LEF1: variants seen among roughly 807,000 people sequenced by gnomAD.
The protein encoded by LEF1 is lymphoid enhancer binding factor 1.
LEF1 carries 14 observed loss-of-function variants against 51.2 expected under a neutral mutation model. That is an observed-to-expected ratio of 0.27 (90% CI 0.18 to 0.43). LEF1 has a LOEUF of 0.43. Ranked by LOEUF, LEF1 falls within the 20% of genes least tolerant of loss-of-function variation. The probability of loss-of-function intolerance (pLI) is 1.00; values close to 1 mark genes in which losing one functional copy is unlikely to be tolerated. For synonymous variants in LEF1, 185 were observed against 183.2 expected, an observed-to-expected ratio of 1.01 and a Z score of -0.08; for missense variants, 386 against 512.0, an observed-to-expected ratio of 0.75 and a Z score of 2.37.
At chr4:108,149,921 T>C (rs935671233) in intron 3 of LEF1, among the ~76,000 whole-genome samples, 1 of 151,524 alleles carries the variant, frequency 6.6e-6, no homozygotes, top group African/African-American at 2.4e-5. Flanking sequence ...TGTTCTTTCA[T>C]GGGTTTTCCC....
At chr4:108,103,318 T>C (rs890206414) in intron 3 of LEF1, among the ~76,000 whole-genome samples, 23 of 152,238 alleles carry the variant, frequency 1.5e-4, no homozygotes, top group Non-Finnish European at 2.4e-4. Context: ...ACAAGCCTTG[T>C]GATTCCCAGG....
At chr4:108,166,521 T>G in intron 1 of LEF1, 1 of 1,322,126 alleles carries the variant, frequency 7.6e-7, no homozygotes, top group Non-Finnish European at 9.7e-7. Context: ...GGGTGACCAG[T>G]GGAGTGTCGG....
intron 3 of LEF1, among the ~76,000 whole-genome samples, chr4:108,141,643 G>GA (rs1173284721): frequency 6.6e-6 from 1 of 152,174 alleles, no homozygotes; most frequent in African/African-American, 2.4e-5. Flanking sequence ...AGCAGCCTTT[G>GA]AAGAGATCAA....
chr4:108,134,464 A>G (rs1459468365), intron 3 of LEF1, among the ~76,000 whole-genome samples: 1 of 152,206 alleles, frequency 6.6e-6, no homozygotes, highest in Admixed American at 6.5e-5. Context: ...TAAAGTTCAA[A>G]TGTAGAATAA....
chr4:108,127,059 A>G (rs1178001814), intron 3 of LEF1, among the ~76,000 whole-genome samples: 2 of 152,138 alleles, frequency 1.3e-5, no homozygotes, highest in African/African-American at 2.4e-5. Context: ...TATATGGCCA[A>G]TGAGGGGCTA....
intron 3 of LEF1, among the ~76,000 whole-genome samples, chr4:108,157,315 C>T (rs1453854430): frequency 6.6e-6 from 1 of 152,048 alleles, no homozygotes; most frequent in African/African-American, 2.4e-5. Flanking sequence ...ATTCTCCTGC[C>T]TCAGCCTCCT....
chr4:108,059,704 T>C (rs1325147066), intron 11 of LEF1, among the ~76,000 whole-genome samples: 1 of 152,054 alleles, frequency 6.6e-6, no homozygotes, highest in Non-Finnish European at 1.5e-5. Context: ...CAGACTGGTT[T>C]GTTTTTTGCG....
intron 6 of LEF1, 145 bp from the exon 7 acceptor site, chr4:108,079,759 T>G: frequency 1.4e-6 from 1 of 692,564 alleles, no homozygotes; most frequent in Non-Finnish European, 2.3e-6. Flanking sequence ...TAAATTAGAG[T>G]GGGCCGATAA....
At chr4:108,048,924 C>T (rs1578276405) in intron 11 of LEF1, 173 bp from the exon 12 acceptor site, 2 of 455,610 alleles carry the variant, frequency 4.4e-6, no homozygotes, top group Non-Finnish European at 7.7e-6. Context: ...CCTGAGAGTA[C>T]ACTACAGAGT....
At chr4:108,051,192 T>G (rs1736966431) in intron 11 of LEF1, among the ~76,000 whole-genome samples, 1 of 152,124 alleles carries the variant, frequency 6.6e-6, no homozygotes, top group Middle Eastern at 3.2e-3. Context: ...TCCTGGAAAG[T>G]TGGCTTCAGA....
chr4:108,060,393 G>C (rs1215361273), intron 11 of LEF1, among the ~76,000 whole-genome samples: 1 of 152,184 alleles, frequency 6.6e-6, no homozygotes, highest in Non-Finnish European at 1.5e-5. Flanking sequence ...GGGAGAGACA[G>C]ACAGGGATCT....
chr4:108,075,931 A>G (rs1444386822), intron 8 of LEF1, among the ~76,000 whole-genome samples: 1 of 152,222 alleles, frequency 6.6e-6, no homozygotes, highest in African/African-American at 2.4e-5. Context: ...TCTTCCATGT[A>G]AAGCCTCATG....
chr4:108,055,893 T>C (rs1737274678), intron 11 of LEF1, among the ~76,000 whole-genome samples: 1 of 152,232 alleles, frequency 6.6e-6, no homozygotes, highest in Non-Finnish European at 1.5e-5. Context: ...ACTGTACCCA[T>C]GAACCCAACC....
chr4:108,081,451 G>C (rs1363369407), intron 6 of LEF1, 135 bp downstream of exon 6: 2 of 672,444 alleles, frequency 3.0e-6, no homozygotes, highest in Non-Finnish European at 2.6e-6. Flanking sequence ...GTGGGAGCCA[G>C]GCACACTGCA....
chr4:108,142,801 A>G (rs1406476214), intron 3 of LEF1, among the ~76,000 whole-genome samples: 1 of 152,220 alleles, frequency 6.6e-6, no homozygotes, highest in Non-Finnish European at 1.5e-5. Flanking sequence ...CTCTGAATTT[A>G]CATTCACATT....
chr4:108,113,294 T>C (rs1443694537), intron 3 of LEF1, among the ~76,000 whole-genome samples: 1 of 152,178 alleles, frequency 6.6e-6, no homozygotes, highest in African/African-American at 2.4e-5. Flanking sequence ...AGAGCACTAG[T>C]TGCTGCCAGG....
intron 11 of LEF1, among the ~76,000 whole-genome samples, chr4:108,059,358 C>G (rs1052690956): frequency 1.3e-5 from 2 of 152,222 alleles, no homozygotes; most frequent in Non-Finnish European, 2.9e-5. Flanking sequence ...TACTTCATCA[C>G]CTAGGTTGGA....
chr4:108,112,387 G>A (rs1741586153), intron 3 of LEF1, among the ~76,000 whole-genome samples: 1 of 152,186 alleles, frequency 6.6e-6, no homozygotes, highest in Admixed American at 6.5e-5. Context: ...CAGGCAATGA[G>A]AAAAATGTCC....
chr4:108,144,159 A>G (rs1315892117), intron 3 of LEF1, among the ~76,000 whole-genome samples: 3 of 152,118 alleles, frequency 2.0e-5, no homozygotes, highest in African/African-American at 7.2e-5. Context: ...TCACACAAAT[A>G]CAAATTTACT....
Sources: allele counts gnomAD v4.1 joint callset (sites outside exome capture counted in the v4.1 genomes callset), GRCh38; gene constraint gnomAD v4.1.1; transcripts MANE v1.5; gene names NCBI Gene and HGNC (gene_info 2026-07-23, HGNC 2026-07-21).